Variants in GLYR1 observed in about 807,000 individuals in gnomAD.
The protein encoded by GLYR1 is glyoxylate reductase 1 homolog.
A neutral mutation model predicts 72.7 loss-of-function variants in GLYR1; 21 were observed. The observed-to-expected ratio is 0.29, with a 90% CI of 0.20 to 0.42. The LOEUF (loss-of-function observed/expected upper bound fraction) is 0.42. Ranked by LOEUF, GLYR1 falls within the 10% of genes least tolerant of loss-of-function variation. The pLI, the probability that GLYR1 is intolerant of heterozygous loss-of-function variation, is 1.00. For synonymous variants in GLYR1, 392 were observed against 270.2 expected, an observed-to-expected ratio of 1.45 and a Z score of -4.42; for missense variants, 594 against 712.1, an observed-to-expected ratio of 0.83 and a Z score of 1.89.
intron 5 of GLYR1, among the ~76,000 whole-genome samples, chr16:4,830,569 G>C (rs1200336550): frequency 2.0e-5 from 3 of 152,184 alleles, no homozygotes; most frequent in Non-Finnish European, 4.4e-5. Context: ...TGGGCTCGCT[G>C]GTGTCTGAAT....
At chr16:4,811,033 A>G (rs2083296139) in intron 15 of GLYR1, 137 bp downstream of exon 15, 1 of 1,044,774 alleles carries the variant, frequency 9.6e-7, no homozygotes, top group Non-Finnish European at 1.3e-6. Flanking sequence ...TGAAACCAGG[A>G]GGCGGAGGTT....
intron 10 of GLYR1, among the ~76,000 whole-genome samples, chr16:4,815,814 C>T (rs1319326982): frequency 4.6e-5 from 7 of 151,826 alleles, no homozygotes; most frequent in African/African-American, 9.7e-5. Context: ...GACAGAGTCT[C>T]GCTGTCGCCC....
At chr16:4,811,035 G>A in intron 15 of GLYR1, 135 bp downstream of exon 15, 3 of 1,077,066 alleles carry the variant, frequency 2.8e-6, no homozygotes, top group South Asian at 1.7e-5. Flanking sequence ...AAACCAGGAG[G>A]CGGAGGTTGC....
intron 2 of GLYR1, among the ~76,000 whole-genome samples, 182 bp from the exon 3 acceptor site, chr16:4,845,335 A>G (rs1182619289): frequency 2.0e-5 from 3 of 152,146 alleles, no homozygotes; most frequent in African/African-American, 4.8e-5. Flanking sequence ...TAAATCTCCC[A>G]TTTTTCTATT....
At chr16:4,846,660 C>G (rs541423930) in intron 1 of GLYR1, 66 of 246,870 alleles carry the variant, frequency 2.7e-4, no homozygotes, top group Non-Finnish European at 2.9e-4. Context: ...GTCTGGGACA[C>G]AGAAGCAGAC....
chr16:4,824,047 G>A, intron 5 of GLYR1, 140 bp from the exon 6 acceptor site: 1 of 605,920 alleles, frequency 1.7e-6, no homozygotes, highest in South Asian at 2.1e-5. Context: ...AAACAAGCCA[G>A]TTCTTCCCAT....
intron 15 of GLYR1, among the ~76,000 whole-genome samples, chr16:4,808,481 C>T (rs894166700): frequency 6.6e-6 from 1 of 151,918 alleles, no homozygotes; most frequent in Admixed American, 6.6e-5. Flanking sequence ...ACCTGTAATC[C>T]CAGCTACTGT....
At chr16:4,831,691 G>T (rs758071722) in intron 5 of GLYR1, among the ~76,000 whole-genome samples, 2 of 152,150 alleles carry the variant, frequency 1.3e-5, no homozygotes, top group African/African-American at 2.4e-5. Flanking sequence ...TTTTAAATAA[G>T]ATTCGGGGTC....
chr16:4,833,055 C>T (rs2084895929), intron 3 of GLYR1, 143 bp from the exon 4 acceptor site: 1 of 645,708 alleles, frequency 1.5e-6, no homozygotes, highest in South Asian at 3.0e-5. Context: ...TCAAAACATG[C>T]TATCAACCAT....
Position 4,832,116 on chromosome 16 carries a change from C to T in GLYR1, c.400G>A (p.Gly134Arg). The T allele has an allele frequency of 6.2e-7, 1 of 1,614,186 alleles. No individual in the cohort carries two copies. The highest frequency in any genetic ancestry group is 8.5e-7 in the Non-Finnish European group (1 of 1,180,038). Residue 134 changes from glycine to arginine, a missense_variant, in exon 5 of 16, where the codon GGG becomes AGG. This residue lies in a region of GLYR1 where 252 missense variants were observed against 211.3 expected (regional missense o/e 1.19). Transcript: ENST00000321919. Reference protein sequence around the residue: ...DEKRKLSLSEGKVKKNMGEGK... With the variant: ...DEKRKLSLSERKVKKNMGEGK... ...TCTCCCATGTTCTTCTTCACCTTCC[C>T]TTCAGACAGGCTAAGTTTGCGCTTC...
At chr16:4,828,260 G>A (rs532570362) in intron 5 of GLYR1, among the ~76,000 whole-genome samples, 5 of 151,790 alleles carry the variant, frequency 3.3e-5, no homozygotes, top group East Asian at 2.0e-4. Context: ...TAGTAGAGAC[G>A]GGGTTTCACC....
chr16:4,830,787 C>A (rs1169946100), intron 5 of GLYR1, among the ~76,000 whole-genome samples: 2 of 152,222 alleles, frequency 1.3e-5, no homozygotes, highest in African/African-American at 2.4e-5. Flanking sequence ...GAGGCACTCT[C>A]ACTGCTTTAT....
intron 3 of GLYR1, chr16:4,840,275 G>C (rs1460478316): frequency 6.6e-6 from 1 of 152,494 alleles, no homozygotes; most frequent in African/African-American, 2.4e-5. Flanking sequence ...GATTCCTTCA[G>C]TCTTTGCTTT....
At chr16:4,812,496 ATT>A (rs564781680) in intron 12 of GLYR1, among the ~76,000 whole-genome samples, 8 of 143,916 alleles carry the variant, frequency 5.6e-5, no homozygotes, top group African/African-American at 1.0e-4. Flanking sequence ...CTGACTTGGA[ATT>A]TTTTTTTTTT....
In GLYR1 at chr16:4,817,681, G is replaced by A; in HGVS notation, c.823C>T (p.Leu275Phe). ...ACGATTCCACTTCCCATGAGACCAA[G>A]GCCCAAAAATCCTATCCTGAAACAG... ...PTDKKIGFLG[L>F]GLMGSGIVSN... Residue 275 changes from leucine (L) to phenylalanine (F), a missense_variant, in exon 10 of 16, where the codon CTT becomes TTT. By Grantham distance (22) the Leu-to-Phe change is conservative. Around this residue, in one of 5 missense-constraint regions of GLYR1, gnomAD observed 266 missense variants for 358.4 expected, o/e 0.74. Transcript: ENST00000321919. 1 of 1,611,770 alleles carries A rather than the reference G, an allele frequency of 6.2e-7. No individual in the cohort carries two copies. The highest frequency in any genetic ancestry group is 8.5e-7 in the Non-Finnish European group (1 of 1,177,928).
chr16:4,844,933 G>A, intron 3 of GLYR1, 141 bp downstream of exon 3: 1 of 643,750 alleles, frequency 1.6e-6, no homozygotes, highest in Non-Finnish European at 2.8e-6. Context: ...CTTTATTTAG[G>A]TATGAAGGCA....
intron 2 of GLYR1, 53 bp from the exon 3 acceptor site, chr16:4,845,206 T>A: frequency 8.2e-7 from 1 of 1,222,764 alleles, no homozygotes; most frequent in Non-Finnish European, 1.2e-6. Context: ...CAGCCCACTT[T>A]CTAGTGGCTC....
At chr16:4,809,298 C>T (rs1596304296) in intron 15 of GLYR1, among the ~76,000 whole-genome samples, 1 of 147,300 alleles carries the variant, frequency 6.8e-6, no homozygotes, top group East Asian at 2.2e-4. Flanking sequence ...TCAAGCAATT[C>T]TCTGCCTCAG....
rs558680196 is a variant in GLYR1, at chr16:4,822,616, C to T, written c.681+259G>A. Among the ~76,000 whole-genome samples the T allele has an allele frequency of 3.9e-5, 6 of 152,170 alleles. No individual in the cohort carries two copies. The East Asian group carries it at 1.2e-3, about 29-fold the overall frequency. On this transcript the variant is annotated intron_variant, in intron 7 of 15. Coordinates refer to ENST00000321919, the MANE Select transcript of GLYR1 (RefSeq NM_032569.4). ...ATGTTGGTCAGACTGGTCTTGAATC[C>T]CTAACCTCATGATCCACCTGCCTCA...
Sources: gnomAD v4.1 joint callset for allele counts (sites outside exome capture counted in the v4.1 genomes callset) on GRCh38, gnomAD v4.1.1 for gene constraint, gnomAD v4.1.1 regional missense constraint, MANE v1.5 for transcripts, NCBI Gene and HGNC (gene_info 2026-07-23, HGNC 2026-07-21) for gene names.